Variants in TENM1 observed in about 807,000 individuals in gnomAD.
The protein encoded by TENM1 is teneurin transmembrane protein 1.
A neutral mutation model predicts 174.8 loss-of-function variants in TENM1; 35 were observed. That is an observed-to-expected ratio of 0.20 (90% CI 0.15 to 0.27). The LOEUF is 0.27. Among genes scored for constraint, TENM1 ranks in the 10% least tolerant of loss-of-function variants. The pLI is 1.00. For synonymous variants in TENM1, 781 were observed against 798.7 expected (o/e 0.98, Z 0.37); for missense variants, 1,633 against 2,130.1 (o/e 0.77, Z 4.59).
At chrX:124,904,307 G>A (rs779370248) in intron 1 of TENM1, among the ~76,000 whole-genome samples, 27 of 111,690 alleles carry the variant, frequency 2.4e-4, no homozygotes, top group Admixed American at 2.9e-4. Flanking sequence ...CAGAGTCAGC[G>A]TCCATCATCA....
chrX:124,568,617 A>C (rs2843528), intron 11 of TENM1, among the ~76,000 whole-genome samples: 27,671 of 110,692 alleles, frequency 0.25, 2,646 homozygotes, highest in South Asian at 0.41. Context: ...TTCTAGTAAT[A>C]GGGACCTAAG....
intron 3 of TENM1, among the ~76,000 whole-genome samples, chrX:124,854,170 G>T (rs1348507365): frequency 9.0e-6 from 1 of 111,089 alleles, no homozygotes; most frequent in East Asian, 2.8e-4. Flanking sequence ...GAAAATAGAG[G>T]CAGATAAAAT....
At chrX:124,854,477 G>A (rs1162216593) in intron 3 of TENM1, among the ~76,000 whole-genome samples, 1 of 111,114 alleles carries the variant, frequency 9.0e-6, no homozygotes, top group Non-Finnish European at 1.9e-5. Context: ...CAAACACCAC[G>A]TGTTCCCTCA....
intron 18 of TENM1, among the ~76,000 whole-genome samples, chrX:124,507,024 C>T (rs1318834980): frequency 9.0e-6 from 1 of 111,252 alleles, no homozygotes; most frequent in Non-Finnish European, 1.9e-5. Context: ...TGTTGTCTAT[C>T]ACGTCTGATC....
chrX:124,378,756 T>G (rs757255552), exon 32 of TENM1: 17 of 112,095 alleles, frequency 1.5e-4, no homozygotes, highest in Non-Finnish European at 3.0e-4. Flanking sequence ...CTTTCCTTTG[T>G]GTAGTAGGAG....
At chrX:125,154,349 T>C in the TENM1 span, among the ~76,000 whole-genome samples, 1 of 111,810 alleles carries the variant, frequency 8.9e-6, no homozygotes, top group East Asian at 2.8e-4. Context: ...AGTTAGAAAG[T>C]TTTCTGTTTG....
chrX:124,703,077 G>A (rs2052811986), intron 5 of TENM1, among the ~76,000 whole-genome samples: 1 of 110,856 alleles, frequency 9.0e-6, no homozygotes, highest in Non-Finnish European at 1.9e-5. Context: ...TATATTTCAG[G>A]CACTACTCCA....
the TENM1 span, among the ~76,000 whole-genome samples, chrX:125,030,126 G>T: frequency 8.9e-6 from 1 of 111,898 alleles, no homozygotes; most frequent in Admixed American, 9.5e-5. Context: ...ATATCAATTG[G>T]TTAATCAAAT....
At chrX:125,049,329 T>G in the TENM1 span, among the ~76,000 whole-genome samples, 1 of 112,460 alleles carries the variant, frequency 8.9e-6, no homozygotes, top group South Asian at 3.6e-4. Flanking sequence ...ATAAATGGAA[T>G]CAAACAATTA....
intron 11 of TENM1, among the ~76,000 whole-genome samples, chrX:124,620,264 G>A (rs2050487982): frequency 9.0e-6 from 1 of 110,892 alleles, no homozygotes; most frequent in African/African-American, 3.3e-5. Context: ...GGAATGAATG[G>A]GGGCCTCAAC....
In TENM1 at chrX:124,545,282, C is replaced by T. The variant is rs188519566; in HGVS notation, c.2651+1592G>A. On this transcript the variant is annotated intron_variant, in intron 15 of 31. Coordinates refer to ENST00000422452, the Ensembl canonical transcript of TENM1. ...AGGAGGAGGAGAAGGGCATTAACCA[C>T]CACAAGAAATAGGTTTATTCACTCT... Among the ~76,000 whole-genome samples, 10 of 112,091 alleles carry T rather than the reference C, an allele frequency of 8.9e-5. No individual in the cohort carries two copies. The East Asian group carries it at 2.8e-3, about 31-fold the overall frequency.
chrX:125,136,356 T>A, the TENM1 span, among the ~76,000 whole-genome samples: 4 of 111,782 alleles, frequency 3.6e-5, no homozygotes, highest in African/African-American at 1.3e-4. Context: ...GTCTTGCACA[T>A]CTACTACACA....
intron 27 of TENM1, among the ~76,000 whole-genome samples, chrX:124,401,970 G>A (rs2060405793): frequency 9.0e-6 from 1 of 111,518 alleles, no homozygotes; most frequent in African/African-American, 3.3e-5. Context: ...GCCCTGCCAA[G>A]GTAGCTCCAC....
the TENM1 span, among the ~76,000 whole-genome samples, chrX:125,090,456 G>T: frequency 9.4e-6 from 1 of 106,628 alleles, no homozygotes; most frequent in Non-Finnish European, 1.9e-5. Flanking sequence ...GACCAGTCTG[G>T]GAAACATGCC....
the TENM1 span, among the ~76,000 whole-genome samples, chrX:125,048,854 T>G: frequency 6.3e-5 from 7 of 111,602 alleles, no homozygotes; most frequent in East Asian, 2.0e-3. Context: ...AGATTCTGAA[T>G]TCTAGTTCTT....
Position 124,487,237 on chromosome X carries a change from G to A in TENM1, c.3696-8C>T. On this transcript the variant is annotated splice_region_variant and splice_polypyrimidine_tract_variant and intron_variant, in intron 20 of 31. Coordinates refer to ENST00000422452, the Ensembl canonical transcript of TENM1. ...TGTCTGGTATCTCTGTTTCTAGGGT[G>A]CACAAGGTATCCACGAGTGGCAAGC... 8.6e-7 allele frequency: 1 copy of A among 1,165,155 alleles called. No homozygotes were observed. Among genetic ancestry groups the A allele is most frequent in the Non-Finnish European group, 1.1e-6 (1 of 871,183 alleles).
At chrX:125,038,148 A>G in the TENM1 span, among the ~76,000 whole-genome samples, 1 of 110,794 alleles carries the variant, frequency 9.0e-6, no homozygotes, top group African/African-American at 3.3e-5. Context: ...TCATCACTAT[A>G]TATGTTTTAG....
chrX:124,567,823 C>G, intron 11 of TENM1, among the ~76,000 whole-genome samples: 1 of 111,649 alleles, frequency 9.0e-6, no homozygotes, highest in Non-Finnish European at 1.9e-5. Context: ...CCCTTCACGG[C>G]CTCCTCCCAA....
chrX:124,670,706 C>A (rs981116969), intron 6 of TENM1, among the ~76,000 whole-genome samples: 1 of 110,995 alleles, frequency 9.0e-6, no homozygotes, highest in African/African-American at 3.3e-5. Context: ...ACAACCCCCC[C>A]GCCACCACGA....
Sources: gnomAD v4.1 joint callset for allele counts (sites outside exome capture counted in the v4.1 genomes callset) on GRCh38, gnomAD v4.1.1 for gene constraint, MANE v1.5 for transcripts, NCBI Gene and HGNC (gene_info 2026-07-23, HGNC 2026-07-21) for gene names.